Variants in HS1BP3 observed in about 807,000 individuals in gnomAD.
HS1BP3 encodes the protein HCLS1 binding protein 3, also known as HCLS1-binding protein 3.
HS1BP3 carries 32 observed loss-of-function variants against 33.5 expected under a neutral mutation model. The ratio of observed to expected loss-of-function variants is 0.95; its 90% confidence interval spans 0.72 to 1.28. The LOEUF is 1.28. Ranked by LOEUF, HS1BP3 falls within the 50% of genes most tolerant of loss-of-function variation. The probability of loss-of-function intolerance (pLI) is 0.00; values close to 1 mark genes in which losing one functional copy is unlikely to be tolerated. For missense variants in HS1BP3, 486 were observed against 502.3 expected, an observed-to-expected ratio of 0.97 and a Z score of 0.31; for synonymous variants, 187 against 209.2, an observed-to-expected ratio of 0.89 and a Z score of 0.92.
chr2:20,605,448 A>T (rs1694154843), intron 2 of HS1BP3, among the ~76,000 whole-genome samples: 1 of 152,084 alleles, frequency 6.6e-6, no homozygotes, highest in African/African-American at 2.4e-5. Flanking sequence ...TAAAATACAC[A>T]TCACATAAAA....
downstream of HS1BP3, among the ~76,000 whole-genome samples, chr2:20,558,127 C>T (rs549122763): frequency 1.2e-4 from 19 of 152,210 alleles, no homozygotes; most frequent in East Asian, 3.8e-4. Flanking sequence ...TTGCTTTCCT[C>T]TTGACACCAG....
chr2:20,569,071 C>G (rs1282337261), intron 5 of HS1BP3, among the ~76,000 whole-genome samples: 2 of 152,110 alleles, frequency 1.3e-5, no homozygotes, highest in African/African-American at 4.8e-5. Context: ...GCAGGACTGA[C>G]AGTGGCCCTA....
chr2:20,625,407 G>C (rs1694748769), intron 4 of HS1BP3, among the ~76,000 whole-genome samples: 2 of 152,176 alleles, frequency 1.3e-5, no homozygotes, highest in Non-Finnish European at 2.9e-5. Context: ...CTGGTCTCAG[G>C]GTCTCAGCAC....
chr2:20,598,337 C>T (rs969373421), intron 2 of HS1BP3: 1 of 286,900 alleles, frequency 3.5e-6, no homozygotes, highest in Admixed American at 3.6e-5. Context: ...ACCAAGATCT[C>T]TTGAATGAGC....
chr2:20,563,566 G>C (rs1693054274), intron 5 of HS1BP3, among the ~76,000 whole-genome samples: 2 of 152,288 alleles, frequency 1.3e-5, no homozygotes, highest in Admixed American at 1.3e-4. Context: ...CACCATGGTG[G>C]AGCTGCCCTC....
chr2:20,629,678 T>C (rs1400790816), intron 4 of HS1BP3, among the ~76,000 whole-genome samples: 1 of 152,200 alleles, frequency 6.6e-6, no homozygotes, highest in Non-Finnish European at 1.5e-5. Flanking sequence ...CCTGGATGGA[T>C]TGCAGGCATG....
At chr2:20,559,277 G>A (rs11682088), downstream of HS1BP3, among the ~76,000 whole-genome samples, 113,414 of 152,108 alleles carry the variant, frequency 0.75, 44,554 homozygotes, top group Non-Finnish European at 0.86. Flanking sequence ...CAATGCCTTG[G>A]CAATGCTCCC....
chr2:20,598,913 C>A (rs76087091), intron 2 of HS1BP3, among the ~76,000 whole-genome samples: 1 of 152,156 alleles, frequency 6.6e-6, no homozygotes, highest in Non-Finnish European at 1.5e-5. Flanking sequence ...AAACTTCCCC[C>A]TTTCTTCTCC....
intron 5 of HS1BP3, among the ~76,000 whole-genome samples, chr2:20,569,184 C>T (rs1693207111): frequency 6.6e-6 from 1 of 152,156 alleles, no homozygotes; most frequent in African/African-American, 2.4e-5. Context: ...CATGTCCCAC[C>T]ACCCCCAAAA....
At chr2:20,567,179 T>A (rs924819297) in intron 5 of HS1BP3, among the ~76,000 whole-genome samples, 2 of 151,796 alleles carry the variant, frequency 1.3e-5, no homozygotes, top group Non-Finnish European at 2.9e-5. Context: ...GTTGACTTGA[T>A]GTTACTGAGA....
intron 3 of HS1BP3, among the ~76,000 whole-genome samples, chr2:20,593,090 C>A (rs139011794): frequency 6.6e-6 from 1 of 151,958 alleles, no homozygotes; most frequent in Non-Finnish European, 1.5e-5. Flanking sequence ...CCTGTCCCCC[C>A]ACTGTCCCCC....
intron 5 of HS1BP3, among the ~76,000 whole-genome samples, chr2:20,577,682 G>A (rs1254992674): frequency 6.6e-6 from 1 of 152,202 alleles, no homozygotes; most frequent in Non-Finnish European, 1.5e-5. Flanking sequence ...AGAGATGGAG[G>A]CAAGCAGAGG....
At chr2:20,628,045 CCA>C (rs1477764311) in intron 4 of HS1BP3, among the ~76,000 whole-genome samples, 1 of 152,156 alleles carries the variant, frequency 6.6e-6, no homozygotes, top group Non-Finnish European at 1.5e-5. Flanking sequence ...GCTCCCAACC[CCA>C]GTCTCAGACA....
chr2:20,564,037 G>C (rs969804301), intron 5 of HS1BP3, among the ~76,000 whole-genome samples: 4 of 152,204 alleles, frequency 2.6e-5, no homozygotes, highest in Non-Finnish European at 5.9e-5. Context: ...ACGGGAATAG[G>C]AAAAGGAGGG....
At chr2:20,607,885 A>G (rs1163616129) in intron 2 of HS1BP3, among the ~76,000 whole-genome samples, 4 of 152,230 alleles carry the variant, frequency 2.6e-5, no homozygotes, top group African/African-American at 7.2e-5. Context: ...ATCAATGAAC[A>G]TGGAATGTCT....
chr2:20,585,602 CACA>C (rs1693661496), intron 5 of HS1BP3, among the ~76,000 whole-genome samples: 1 of 152,188 alleles, frequency 6.6e-6, no homozygotes, highest in African/African-American at 2.4e-5. Flanking sequence ...TTTGCTTTGC[CACA>C]ACATCAGATT....
At chr2:20,581,203 C>T (rs1693526136) in intron 5 of HS1BP3, among the ~76,000 whole-genome samples, 1 of 152,188 alleles carries the variant, frequency 6.6e-6, no homozygotes, top group South Asian at 2.1e-4. Flanking sequence ...GTCAAGACAT[C>T]CACTCCCTCT....
intron 2 of HS1BP3, among the ~76,000 whole-genome samples, chr2:20,598,555 T>A (rs1693997686): frequency 8.8e-6 from 1 of 113,018 alleles, no homozygotes; most frequent in Non-Finnish European, 1.8e-5. Flanking sequence ...TTTTTTTTTT[T>A]TTTTTTTTTT....
chr2:20,605,064 A>T (rs1694146004), intron 2 of HS1BP3, among the ~76,000 whole-genome samples: 1 of 152,236 alleles, frequency 6.6e-6, no homozygotes, highest in Non-Finnish European at 1.5e-5. Context: ...GATGAAACAG[A>T]TGTCTTGGCA....
Sources: gnomAD v4.1 joint callset for allele counts (sites outside exome capture counted in the v4.1 genomes callset) on GRCh38, gnomAD v4.1.1 for gene constraint, MANE v1.5 for transcripts, NCBI Gene and HGNC (gene_info 2026-07-23, HGNC 2026-07-21) for gene names.